CDH3: variants seen among roughly 807,000 people sequenced by gnomAD.
CDH3 encodes cadherin-3.
A neutral mutation model predicts 82.0 loss-of-function variants in CDH3; 54 were observed. The observed-to-expected ratio is 0.66, with a 90% confidence interval of 0.53 to 0.83. CDH3 has a LOEUF of 0.83. Ranked by LOEUF, CDH3 falls within the 40% of genes least tolerant of loss-of-function variation. The pLI, the probability that CDH3 is intolerant of heterozygous loss-of-function variation, is 0.00. For missense variants in CDH3, 1,054 were observed against 1,084.6 expected (o/e 0.97, Z 0.40); for synonymous variants, 446 against 437.9 (o/e 1.02, Z -0.23).
At chr16:68,650,994 G>A in intron 2 of CDH3, 2 of 288,296 alleles carry the variant, frequency 6.9e-6, no homozygotes, top group South Asian at 6.0e-5. Context: ...CCCAGACAGG[G>A]AGACGATGTG....
chr16:68,659,664 A>G (rs1305352984), intron 2 of CDH3, among the ~76,000 whole-genome samples: 5 of 152,128 alleles, frequency 3.3e-5, no homozygotes. Flanking sequence ...AGCCTGGGTA[A>G]CAGAGCAAGA....
downstream of CDH3, among the ~76,000 whole-genome samples, chr16:68,700,727 G>C (rs182865138): frequency 2.3e-4 from 35 of 152,290 alleles, no homozygotes; most frequent in Admixed American, 2.0e-3. Context: ...TGGGTGTGGC[G>C]CCTATAATCC....
chr16:68,695,638 T>A (rs1961698187), intron 14 of CDH3, 139 bp from the exon 15 acceptor site: 2 of 1,067,316 alleles, frequency 1.9e-6, no homozygotes, highest in Admixed American at 1.9e-5. Flanking sequence ...TTTTCCAAAA[T>A]CTGTGACATC....
intron 2 of CDH3, among the ~76,000 whole-genome samples, chr16:68,724,745 T>C (rs1327138580): frequency 6.6e-6 from 1 of 152,182 alleles, no homozygotes; most frequent in Non-Finnish European, 1.5e-5. Context: ...GTCCCTTTTT[T>C]TGAAAGGGAA....
At chr16:68,646,934 C>A (rs1457245491) in intron 2 of CDH3, among the ~76,000 whole-genome samples, 7 of 152,054 alleles carry the variant, frequency 4.6e-5, no homozygotes, top group Admixed American at 1.3e-4. Context: ...TTTTATTTCT[C>A]CAAAAGAGGA....
rs1023690159 is a variant in CDH3 at position 68,664,571 on chromosome 16, GACA to G, written c.161-11810_161-11808del. 8.0e-4 allele frequency among the ~76,000 whole-genome samples: 122 copies of G among 152,280 alleles called. No homozygotes were observed. The Middle Eastern group carries it at 0.01, about 13-fold the overall frequency. ...CTATGTTTGGGAATCACTGCTCTGTGACAACATTAAGCCCTCTTTGAAGAGCTA... is the reference window on the plus strand; with the variant it reads ...CTATGTTTGGGAATCACTGCTCTGTGACATTAAGCCCTCTTTGAAGAGCTA... On this transcript the variant is annotated intron_variant, in intron 2 of 15. Coordinates refer to ENST00000264012, the MANE Select transcript of CDH3 (RefSeq NM_001793.6).
chr16:68,684,943 A>G (rs867720388), intron 10 of CDH3, 119 bp downstream of exon 10: 3 of 1,352,462 alleles, frequency 2.2e-6, no homozygotes, highest in Middle Eastern at 2.3e-4. Context: ...TCCCTCCTGC[A>G]TAGGTTCTCT....
At chr16:68,728,896 T>C (rs1597833432), downstream of CDH3, among the ~76,000 whole-genome samples, 2 of 152,230 alleles carry the variant, frequency 1.3e-5, no homozygotes. Flanking sequence ...TAAAATATTT[T>C]TGCCTAAAAT....
rs1161553507 is a variant in CDH3 at position 68,687,458 on chromosome 16, T to C, written c.1571-54T>C. 10 of 1,460,958 alleles carry C rather than the reference T, an allele frequency of 6.8e-6. No homozygotes were observed. In the South Asian group the frequency reaches 9.1e-5, roughly 13 times the overall value. The allele number at this position is 1,460,958 out of a possible 1,614,324, so 90.5% of individuals were successfully genotyped here. The stretch of plus-strand genomic sequence containing the variant: ...GGGCGGTAAACAGGAGGAGCCCCCC[T>C]GAGGCTGACTGGGTGGGTCACAGGG... On this transcript the variant is annotated intron_variant, in intron 11 of 15. Coordinates refer to ENST00000264012, the MANE Select transcript of CDH3 (RefSeq NM_001793.6).
intron 6 of CDH3, 38 bp downstream of exon 6, chr16:68,678,944 C>T: frequency 1.2e-6 from 2 of 1,605,792 alleles, no homozygotes; most frequent in Non-Finnish European, 1.7e-6. Context: ...CGGGGCTGGG[C>T]CCACACCCTT....
chr16:68,658,582 G>A (rs985158551), intron 2 of CDH3, among the ~76,000 whole-genome samples: 7 of 151,440 alleles, frequency 4.6e-5, no homozygotes, highest in African/African-American at 9.8e-5. Context: ...TTTGCACAGC[G>A]TGCCCCATCT....
At chr16:68,680,537 G>C (rs1184017035) in intron 7 of CDH3, among the ~76,000 whole-genome samples, 1 of 152,156 alleles carries the variant, frequency 6.6e-6, no homozygotes, top group Non-Finnish European at 1.5e-5. Context: ...AAATTAGCTG[G>C]GCGTGGTGGC....
At chr16:68,672,198 A>T (rs1027714937) in intron 2 of CDH3, among the ~76,000 whole-genome samples, 9 of 53,448 alleles carry the variant, frequency 1.7e-4, no homozygotes, top group African/African-American at 3.6e-4. Context: ...CTCAAAAAAA[A>T]AAAAAATAAA....
chr16:68,676,740 C>T (rs1490928240), intron 3 of CDH3, among the ~76,000 whole-genome samples: 3 of 152,296 alleles, frequency 2.0e-5, no homozygotes, highest in African/African-American at 4.8e-5. Context: ...CTGAGTCCCT[C>T]GGATTCCCTC....
At chr16:68,730,226 C>A (rs1835711417), downstream of CDH3, among the ~76,000 whole-genome samples, 1 of 91,410 alleles carries the variant, frequency 1.1e-5, no homozygotes, top group Non-Finnish European at 2.5e-5. Context: ...GAGAGAGACT[C>A]CACCTAAAAA....
chr16:68,680,150 T>C (rs1597808068), intron 7 of CDH3, among the ~76,000 whole-genome samples, 176 bp downstream of exon 7: 1 of 152,254 alleles, frequency 6.6e-6, no homozygotes, highest in Non-Finnish European at 1.5e-5. Context: ...TCCTTGGGCC[T>C]GTGGCCCGCT....
At chr16:68,701,544 ATTTT>A (rs71382058), downstream of CDH3, among the ~76,000 whole-genome samples, 9 of 128,206 alleles carry the variant, frequency 7.0e-5, no homozygotes, top group Admixed American at 7.8e-5. Context: ...ATTACACACA[ATTTT>A]TTTTTTTTTT....
intron 9 of CDH3, 70 bp downstream of exon 9, chr16:68,682,557 A>G (rs1191580314): frequency 3.5e-6 from 5 of 1,447,344 alleles, no homozygotes; most frequent in Non-Finnish European, 4.9e-6. Context: ...CAGGATGAGG[A>G]GCCACTGTCT....
chr16:68,677,940 T>A (rs1341387788), intron 3 of CDH3, among the ~76,000 whole-genome samples, 194 bp from the exon 4 acceptor site: 4 of 148,698 alleles, frequency 2.7e-5, no homozygotes, highest in South Asian at 2.1e-4. Flanking sequence ...TTTTTTTTTT[T>A]AATTTAACTT....
Sources: gnomAD v4.1 joint callset for allele counts (sites outside exome capture counted in the v4.1 genomes callset) on GRCh38, gnomAD v4.1.1 for gene constraint, MANE v1.5 for transcripts, NCBI Gene and HGNC (gene_info 2026-07-23, HGNC 2026-07-21) for gene names.